KAZN: variants seen among roughly 807,000 people sequenced by gnomAD.
KAZN encodes the protein kazrin, periplakin interacting protein.
Under a neutral mutation model 87.4 loss-of-function variants are expected in KAZN, and 40 were observed. That is an observed-to-expected ratio of 0.46 (90% confidence interval 0.36 to 0.60). The LOEUF (loss-of-function observed/expected upper bound fraction) is 0.60, where lower values mean the gene tolerates loss of function less well. Ranked by LOEUF, KAZN falls within the 20% of genes least tolerant of loss-of-function variation. KAZN has a pLI of 0.00. For missense variants in KAZN, 898 were observed against 1,073.9 expected (o/e 0.84, Z 2.29); for synonymous variants, 466 against 458.3 (o/e 1.02, Z -0.22).
At chr1:14,480,148 T>C (rs1047412397) in intron 2 of KAZN, among the ~76,000 whole-genome samples, 6 of 152,240 alleles carry the variant, frequency 3.9e-5, no homozygotes, top group African/African-American at 1.2e-4. Flanking sequence ...AGCCTTCCCA[T>C]GTCACAGATG....
intron 2 of KAZN, among the ~76,000 whole-genome samples, chr1:14,564,161 G>A (rs992022413): frequency 2.0e-5 from 3 of 152,000 alleles, no homozygotes; most frequent in South Asian, 2.1e-4. Context: ...AGGCCCCAGC[G>A]CACCTCTTCC....
At chr1:14,028,832 C>A (rs1641197455) in intron 1 of KAZN, among the ~76,000 whole-genome samples, 1 of 151,966 alleles carries the variant, frequency 6.6e-6, no homozygotes, top group Non-Finnish European at 1.5e-5. Flanking sequence ...CATAGTATTC[C>A]ATGGTGTATA....
intron 2 of KAZN, among the ~76,000 whole-genome samples, chr1:14,524,211 G>A (rs1270124926): frequency 2.6e-5 from 4 of 152,078 alleles, no homozygotes; most frequent in East Asian, 1.9e-4. Context: ...TAGTAGAGAC[G>A]GGGTTTCACC....
chr1:14,232,809 A>T (rs1427364253), intron 2 of KAZN, among the ~76,000 whole-genome samples: 2 of 152,224 alleles, frequency 1.3e-5, no homozygotes, highest in Non-Finnish European at 2.9e-5. Context: ...AAATAAAGAA[A>T]AAATGAATAT....
chr1:13,941,272 A>G (rs1640918253), intron 1 of KAZN, among the ~76,000 whole-genome samples: 1 of 152,032 alleles, frequency 6.6e-6, no homozygotes, highest in East Asian at 1.9e-4. Context: ...ACTACATAGG[A>G]AATATTGGTC....
chr1:14,097,143 G>A (rs1644147334), intron 1 of KAZN, among the ~76,000 whole-genome samples: 1 of 152,222 alleles, frequency 6.6e-6, no homozygotes, highest in Non-Finnish European at 1.5e-5. Context: ...GGAAAGTATA[G>A]ATTGACTTGA....
intron 1 of KAZN, among the ~76,000 whole-genome samples, chr1:13,894,401 TAA>T (rs58728430): frequency 0.07 from 10,437 of 150,170 alleles, 954 homozygotes; most frequent in African/African-American, 0.2. Flanking sequence ...TGTGGTCACA[TAA>T]AAAAAAAAAG....
chr1:14,823,803 A>T (rs1572576671), intron 1 of KAZN, among the ~76,000 whole-genome samples: 1 of 152,300 alleles, frequency 6.6e-6, no homozygotes, highest in South Asian at 2.1e-4. Flanking sequence ...AGACCTAAGC[A>T]TGGGCAAAAT....
intron 13 of KAZN, among the ~76,000 whole-genome samples, chr1:15,111,059 G>C (rs550435377): frequency 3.9e-5 from 6 of 152,276 alleles, no homozygotes; most frequent in African/African-American, 1.4e-4. Context: ...CATTCATGAG[G>C]GCATTTCCTG....
chr1:14,796,279 AC>A (rs1282088609), intron 1 of KAZN, among the ~76,000 whole-genome samples: 1 of 151,954 alleles, frequency 6.6e-6, no homozygotes, highest in East Asian at 1.9e-4. Context: ...CCCTCTCCCC[AC>A]CCACACCCGG....
intron 2 of KAZN, among the ~76,000 whole-genome samples, chr1:14,470,810 T>C (rs1668416140): frequency 1.3e-5 from 2 of 152,150 alleles, no homozygotes; most frequent in South Asian, 2.1e-4. Context: ...CCTGCTCCCA[T>C]GACTCTCGGC....
At chr1:14,191,448 A>G (rs908541487) in intron 2 of KAZN, among the ~76,000 whole-genome samples, 1 of 152,136 alleles carries the variant, frequency 6.6e-6, no homozygotes. Context: ...GCAGGCTTGA[A>G]TGGGGAAGTA....
At chr1:14,349,879 G>GT (rs966780198) in intron 2 of KAZN, among the ~76,000 whole-genome samples, 27 of 152,092 alleles carry the variant, frequency 1.8e-4, no homozygotes, top group Non-Finnish European at 2.8e-4. Flanking sequence ...GCTCACGCCT[G>GT]TAATCCCAGC....
chr1:14,347,420 G>A lies in KAZN; in HGVS notation c.249+166828G>A, dbSNP rs138162705. Among the ~76,000 whole-genome samples, 45 of 152,278 alleles carry A rather than the reference G, an allele frequency of 3.0e-4. No homozygotes were observed. In the East Asian group the frequency reaches 8.7e-3, roughly 29 times the overall value. ...GTGGGAACTGAGTCTTCCCAATGAA[G>A]ACACGCTAAAGAGTCTGACCTGCTA... On this transcript the variant is annotated intron_variant, in intron 2 of 16. Transcript: ENST00000636203.
chr1:14,823,384 A>G (rs547939908), intron 1 of KAZN, among the ~76,000 whole-genome samples: 4 of 152,138 alleles, frequency 2.6e-5, no homozygotes, highest in African/African-American at 4.8e-5. Context: ...CCAGTGTGGT[A>G]TCTCCTGCAC....
intron 1 of KAZN, among the ~76,000 whole-genome samples, chr1:14,039,372 GTGTT>G (rs1641704309): frequency 6.6e-6 from 1 of 152,162 alleles, no homozygotes; most frequent in Non-Finnish European, 1.5e-5. Context: ...AACCAATAAA[GTGTT>G]TGAAAGAGGC....
At chr1:13,905,707 G>A (rs182087320) in intron 1 of KAZN, among the ~76,000 whole-genome samples, 6 of 152,280 alleles carry the variant, frequency 3.9e-5, no homozygotes, top group South Asian at 4.2e-4. Flanking sequence ...TACAAGATAA[G>A]CAATTGCCTC....
chr1:14,908,482 C>T (rs1242173048), intron 1 of KAZN, among the ~76,000 whole-genome samples: 10 of 152,104 alleles, frequency 6.6e-5, no homozygotes, highest in African/African-American at 2.2e-4. Flanking sequence ...GCAGAGGTTG[C>T]GGTGAGCTGA....
At chr1:15,026,656 T>C (rs1046839341) in intron 2 of KAZN, among the ~76,000 whole-genome samples, 4 of 151,936 alleles carry the variant, frequency 2.6e-5, no homozygotes, top group Non-Finnish European at 4.4e-5. Context: ...GCAGAAATGA[T>C]TCAGCCCTCT....
Sources: allele counts gnomAD v4.1 joint callset (sites outside exome capture counted in the v4.1 genomes callset), GRCh38; gene constraint gnomAD v4.1.1; transcripts MANE v1.5; gene names NCBI Gene and HGNC (gene_info 2026-07-23, HGNC 2026-07-21).